Variants in GREB1L observed in about 807,000 individuals in gnomAD.
GREB1L encodes GREB1-like protein.
GREB1L carries 17 observed loss-of-function variants against 200.8 expected under a neutral mutation model. The observed-to-expected ratio is 0.08, with a 90% CI of 0.06 to 0.13. The LOEUF (loss-of-function observed/expected upper bound fraction) is 0.13, where lower values mean the gene tolerates loss of function less well. Ranked by LOEUF, GREB1L falls within the 10% of genes least tolerant of loss-of-function variation. The pLI, the probability that GREB1L is intolerant of heterozygous loss-of-function variation, is 1.00. For synonymous variants in GREB1L, 789 were observed against 893.0 expected, an observed-to-expected ratio of 0.88 and a Z score of 2.08; for missense variants, 1,657 against 2,367.7, an observed-to-expected ratio of 0.70 and a Z score of 6.23.
At position 21,244,359 on chromosome 18, in the gene GREB1L, A is replaced by G. The variant is rs183806227; in HGVS notation, c.-120+1966A>G. Among the ~76,000 whole-genome samples, 372 of 152,306 alleles carry G rather than the reference A, an allele frequency of 2.4e-3. 1 individual carries two copies. The highest frequency in any genetic ancestry group is 6.8e-3 in the Middle Eastern group (2 of 294). ...AGGGCGTGTGTATACTCCCATTGAC[A>G]TGACATAATATAAAGATGTTAGTGG... is the stretch of plus-strand genomic sequence containing the variant. On this transcript the variant is annotated intron_variant, in intron 1 of 32. Transcript: ENST00000424526.
intron 7 of GREB1L, among the ~76,000 whole-genome samples, chr18:21,410,361 ATAT>A (rs1344692737): frequency 6.6e-6 from 1 of 151,988 alleles, no homozygotes; most frequent in Admixed American, 6.6e-5. Flanking sequence ...TATTATTATA[ATAT>A]TATATATAAA....
At chr18:21,344,460 G>A (rs1330067197) in intron 1 of GREB1L, among the ~76,000 whole-genome samples, 1 of 149,880 alleles carries the variant, frequency 6.7e-6, no homozygotes, top group Non-Finnish European at 1.5e-5. Flanking sequence ...TAGACATTTG[G>A]CTTGTTTCTC....
chr18:21,423,136 G>C (rs2032293269), intron 7 of GREB1L, among the ~76,000 whole-genome samples: 1 of 152,010 alleles, frequency 6.6e-6, no homozygotes, highest in African/African-American at 2.4e-5. Flanking sequence ...TCACCATGTT[G>C]GCCGGGCTCA....
chr18:21,389,109 G>A (rs758320098), intron 4 of GREB1L, among the ~76,000 whole-genome samples: 12 of 152,094 alleles, frequency 7.9e-5, no homozygotes, highest in South Asian at 2.1e-4. Flanking sequence ...GGCAGGCTAC[G>A]TAAATTATTT....
chr18:21,403,171 T>A (rs1235233412), intron 6 of GREB1L, among the ~76,000 whole-genome samples: 5 of 152,152 alleles, frequency 3.3e-5, no homozygotes, highest in Non-Finnish European at 7.3e-5. Flanking sequence ...AGGGTAAAAT[T>A]TGGTTGGAAG....
intron 7 of GREB1L, among the ~76,000 whole-genome samples, chr18:21,420,028 G>A (rs1298017638): frequency 1.3e-5 from 2 of 152,072 alleles, no homozygotes; most frequent in East Asian, 1.9e-4. Flanking sequence ...AGAACAAATC[G>A]ATAAATTGGA....
intron 19 of GREB1L, among the ~76,000 whole-genome samples, chr18:21,492,717 G>C (rs1234699541): frequency 1.3e-5 from 2 of 152,204 alleles, no homozygotes; most frequent in African/African-American, 2.4e-5. Flanking sequence ...GGGGCCTCAA[G>C]TTACGACTTC....
chr18:21,343,250 A>C (rs754344341), intron 1 of GREB1L, among the ~76,000 whole-genome samples: 3 of 152,240 alleles, frequency 2.0e-5, no homozygotes, highest in Admixed American at 6.5e-5. Flanking sequence ...GACTGGATTC[A>C]TGGGTAAACC....
intron 5 of GREB1L, among the ~76,000 whole-genome samples, chr18:21,396,596 A>G (rs1264590040): frequency 1.3e-5 from 2 of 152,174 alleles, no homozygotes; most frequent in African/African-American, 2.4e-5. Context: ...CCAATGTCAT[A>G]TAGATAGATA....
At position 21,515,623 on chromosome 18, in the gene GREB1L, A is replaced by G. The variant is rs1349567487; in HGVS notation, c.5108A>G (p.Asn1703Ser). Residue 1703 changes from asparagine (N) to serine (S), a missense_variant, in exon 29 of 33, where the codon AAT (asparagine) becomes AGT (serine). Coordinates refer to ENST00000424526, the MANE Select transcript of GREB1L (RefSeq NM_001142966.3). Reference sequence around the variant, plus strand: ...CTCCTCAACACAGACTTGACTCAGAATGTGCAGTATGACTTCAACAGGTAA... The same window carrying G: ...CTCCTCAACACAGACTTGACTCAGAGTGTGCAGTATGACTTCAACAGGTAA... ...FILLNTDLTQ[N>S]VQYDFNRYFC... 22 of 1,551,510 alleles carry G rather than the reference A, an allele frequency of 1.4e-5. No individual in the cohort carries two copies. Among genetic ancestry groups the G allele is most frequent in the Non-Finnish European group, 1.9e-5 (22 of 1,146,812 alleles).
chr18:21,301,171 T>A (rs1441293333), intron 1 of GREB1L, among the ~76,000 whole-genome samples: 1 of 152,248 alleles, frequency 6.6e-6, no homozygotes, highest in African/African-American at 2.4e-5. Context: ...TGAGATAATT[T>A]GCCATTTATT....
chr18:21,322,182 A>C (rs1371802683), intron 1 of GREB1L, among the ~76,000 whole-genome samples: 1 of 152,236 alleles, frequency 6.6e-6, no homozygotes, highest in African/African-American at 2.4e-5. Context: ...GTATATGTAT[A>C]AACAACTAAC....
intron 1 of GREB1L, among the ~76,000 whole-genome samples, chr18:21,336,526 C>T (rs1358273911): frequency 6.6e-6 from 1 of 152,188 alleles, no homozygotes; most frequent in East Asian, 1.9e-4. Context: ...ACCCCAGCTG[C>T]CCGCATACCT....
chr18:21,454,934 A>T (rs2034686786), intron 15 of GREB1L: 8 of 307,500 alleles, frequency 2.6e-5, no homozygotes, highest in Non-Finnish European at 5.0e-5. Flanking sequence ...CCTCATTTGC[A>T]TAGGTGGATT....
At chr18:21,448,321 G>A (rs1174917172) in intron 11 of GREB1L, among the ~76,000 whole-genome samples, 20 of 152,056 alleles carry the variant, frequency 1.3e-4, no homozygotes, top group Admixed American at 1.2e-3. Flanking sequence ...TGGAAAAACT[G>A]TTTTCTCCAA....
At chr18:21,441,605 G>T (rs1251148224) in intron 10 of GREB1L, 68 bp downstream of exon 10, 2 of 1,358,372 alleles carry the variant, frequency 1.5e-6, no homozygotes, top group Non-Finnish European at 2.0e-6. Flanking sequence ...ATTTCATTGT[G>T]TTTTTTCATG....
chr18:21,434,012 A>G (rs958677958), intron 7 of GREB1L, among the ~76,000 whole-genome samples: 1 of 152,108 alleles, frequency 6.6e-6, no homozygotes, highest in Admixed American at 6.5e-5. Context: ...TTTCTTTTGG[A>G]TGTTCCTGGC....
intron 11 of GREB1L, among the ~76,000 whole-genome samples, chr18:21,445,708 G>A (rs537664604): frequency 1.3e-5 from 2 of 152,246 alleles, no homozygotes; most frequent in Admixed American, 6.5e-5. Context: ...TGCCCTGAGA[G>A]GCTGCCTTGA....
chr18:21,515,720 CTT>C (rs766930526), intron 29 of GREB1L, 76 bp downstream of exon 29: 7 of 1,037,024 alleles, frequency 6.8e-6, no homozygotes, highest in Non-Finnish European at 9.9e-6. Flanking sequence ...CTCTGTAATG[CTT>C]TTATTCGTAT....
Sources: allele counts gnomAD v4.1 joint callset (sites outside exome capture counted in the v4.1 genomes callset), GRCh38; gene constraint gnomAD v4.1.1; transcripts MANE v1.5; gene names NCBI Gene and HGNC (gene_info 2026-07-23, HGNC 2026-07-21).